The following NXPE2 variants were observed in gnomAD, a reference collection of about 807,000 sequenced individuals.
The protein encoded by NXPE2 is neurexophilin and PC-esterase domain family member 2.
In NXPE2, 34 loss-of-function variants were observed where a neutral mutation model predicts 34.4. That is an observed-to-expected ratio of 0.99 (90% CI 0.75 to 1.31). The LOEUF (loss-of-function observed/expected upper bound fraction) is 1.31, where lower values mean the gene tolerates loss of function less well. NXPE2 is among the 40% of genes most tolerant of loss of function. NXPE2 has a pLI of 0.00. For missense variants in NXPE2, 649 were observed against 672.5 expected, an observed-to-expected ratio of 0.97 and a Z score of 0.39; for synonymous variants, 235 against 231.3, an observed-to-expected ratio of 1.02 and a Z score of -0.15.
chr11:114,558,842 C>T, the NXPE2 span, among the ~76,000 whole-genome samples: 1 of 152,282 alleles, frequency 6.6e-6, no homozygotes, highest in South Asian at 2.1e-4. Context: ...TCACAGAGGA[C>T]TTCTCAGTCA....
At chr11:114,639,626 A>G in the NXPE2 span, among the ~76,000 whole-genome samples, 6 of 147,428 alleles carry the variant, frequency 4.1e-5, no homozygotes, top group East Asian at 1.2e-3. Flanking sequence ...CCACCTATGT[A>G]ACATATTACA....
the NXPE2 span, among the ~76,000 whole-genome samples, chr11:114,782,964 A>AT: frequency 6.6e-6 from 1 of 152,216 alleles, no homozygotes; most frequent in Non-Finnish European, 1.5e-5. Context: ...CTCTGGGGAG[A>AT]TTAAACCTTA....
chr11:114,563,239 C>A, the NXPE2 span, among the ~76,000 whole-genome samples: 5 of 152,170 alleles, frequency 3.3e-5, no homozygotes, highest in Non-Finnish European at 5.9e-5. Flanking sequence ...AAGATGAGGG[C>A]AAATAAGAGG....
chr11:114,626,081 C>T, the NXPE2 span, among the ~76,000 whole-genome samples: 1,333 of 152,230 alleles, frequency 8.8e-3, 20 homozygotes, highest in African/African-American at 0.03. Flanking sequence ...AACTGCAAGG[C>T]GGCAGCGAGG....
At chr11:114,708,571 A>G (rs1252247579), downstream of NXPE2, among the ~76,000 whole-genome samples, 2 of 151,836 alleles carry the variant, frequency 1.3e-5, no homozygotes, top group Non-Finnish European at 2.9e-5. Context: ...TGGAGGTTGC[A>G]GTGAGCCAAG....
At chr11:114,623,393 C>T in the NXPE2 span, among the ~76,000 whole-genome samples, 8 of 151,970 alleles carry the variant, frequency 5.3e-5, no homozygotes, top group Non-Finnish European at 7.4e-5. Flanking sequence ...ATAAGTATTG[C>T]GCAGTGGGTA....
At chr11:114,540,885 T>TTTTTTTTTTTTTTTTG in the NXPE2 span, among the ~76,000 whole-genome samples, 3 of 81,242 alleles carry the variant, frequency 3.7e-5, 1 homozygote, top group Non-Finnish European at 7.4e-5. Context: ...TTTTTTTTTT[T>TTTTTTTTTTTTTTTTG]GGCTTGAACA....
At chr11:114,639,002 A>G in the NXPE2 span, among the ~76,000 whole-genome samples, 28 of 152,192 alleles carry the variant, frequency 1.8e-4, no homozygotes, top group African/African-American at 6.3e-4. Context: ...CAAAGCTGTC[A>G]GACTGGGACA....
the NXPE2 span, chr11:114,521,952 G>T: frequency 2.6e-5 from 41 of 1,566,616 alleles, no homozygotes; most frequent in Non-Finnish European, 3.4e-5. Flanking sequence ...TAGTGATTTT[G>T]TATAGTATTT....
At chr11:114,504,419 G>C in the NXPE2 span, among the ~76,000 whole-genome samples, 9 of 151,888 alleles carry the variant, frequency 5.9e-5, no homozygotes, top group Admixed American at 3.3e-4. Flanking sequence ...CTCCAGCAGG[G>C]CCCCCCCACA....
the NXPE2 span, among the ~76,000 whole-genome samples, chr11:114,773,391 C>A: frequency 2.6e-5 from 4 of 151,530 alleles, no homozygotes; most frequent in African/African-American, 7.3e-5. Context: ...GAACCCCCCG[C>A]CCCTTTGCCC....
At chr11:114,738,847 T>A in the NXPE2 span, among the ~76,000 whole-genome samples, 1 of 152,080 alleles carries the variant, frequency 6.6e-6, no homozygotes, top group African/African-American at 2.4e-5. Flanking sequence ...ATATTTGGGA[T>A]AGTCCCTACA....
chr11:114,809,980 T>G, the NXPE2 span, among the ~76,000 whole-genome samples: 1 of 151,322 alleles, frequency 6.6e-6, no homozygotes, highest in South Asian at 2.1e-4. Context: ...ACGGTACTAG[T>G]ACCAAAACAG....
the NXPE2 span, among the ~76,000 whole-genome samples, chr11:114,670,376 C>G: frequency 6.6e-6 from 1 of 151,962 alleles, no homozygotes; most frequent in Non-Finnish European, 1.5e-5. Flanking sequence ...AAATAGACTA[C>G]TAAAATAGCC....
chr11:114,528,967 T>A, the NXPE2 span: 3 of 443,912 alleles, frequency 6.8e-6, no homozygotes, highest in African/African-American at 5.8e-5. Flanking sequence ...AACTGTGCTT[T>A]TACTTTTCAG....
At chr11:114,523,726 G>A in the NXPE2 span, among the ~76,000 whole-genome samples, 5 of 152,150 alleles carry the variant, frequency 3.3e-5, no homozygotes, top group Non-Finnish European at 7.4e-5. Flanking sequence ...CAGGTAGGTA[G>A]CAGTGAAGCA....
the NXPE2 span, among the ~76,000 whole-genome samples, chr11:114,632,678 A>T: frequency 1.7e-5 from 1 of 58,032 alleles, no homozygotes; most frequent in Non-Finnish European, 2.7e-5. Context: ...ATATATATTT[A>T]TATATATAAA....
At chr11:114,631,150 T>A in the NXPE2 span, among the ~76,000 whole-genome samples, 3 of 152,034 alleles carry the variant, frequency 2.0e-5, no homozygotes, top group Non-Finnish European at 4.4e-5. Flanking sequence ...AAATACCATT[T>A]GACCCAGCCA....
the NXPE2 span, among the ~76,000 whole-genome samples, chr11:114,543,821 C>T: frequency 6.6e-6 from 1 of 152,120 alleles, no homozygotes; most frequent in African/African-American, 2.4e-5. Context: ...ACATGACTGT[C>T]TACGTAGAAT....
Sources: gnomAD v4.1 joint callset for allele counts (sites outside exome capture counted in the v4.1 genomes callset) on GRCh38, gnomAD v4.1.1 for gene constraint, MANE v1.5 for transcripts, NCBI Gene and HGNC (gene_info 2026-07-23, HGNC 2026-07-21) for gene names.